CTNND2: variants seen among roughly 807,000 people sequenced by gnomAD.
CTNND2 encodes the protein catenin delta-2.
In CTNND2, 22 loss-of-function variants were observed where a neutral mutation model predicts 144.4. That is an observed-to-expected ratio of 0.15 (90% confidence interval 0.11 to 0.22). CTNND2 has a LOEUF of 0.22. CTNND2 is among the 10% of genes least tolerant of loss of function. CTNND2 has a pLI of 1.00. For missense variants in CTNND2, 1,353 were observed against 1,618.8 expected (o/e 0.84, Z 2.82); for synonymous variants, 751 against 695.6 (o/e 1.08, Z -1.25).
At chr5:11,116,755 A>C (rs1753586021) in intron 13 of CTNND2, among the ~76,000 whole-genome samples, 1 of 152,206 alleles carries the variant, frequency 6.6e-6, no homozygotes, top group East Asian at 1.9e-4. Flanking sequence ...TTATAAGAAT[A>C]TGGGATTATT....
chr5:11,017,655 T>A (rs1301788498), intron 18 of CTNND2, among the ~76,000 whole-genome samples: 1 of 150,668 alleles, frequency 6.6e-6, no homozygotes, highest in Non-Finnish European at 1.5e-5. Context: ...TGTTGATTTT[T>A]TTTTCCCCAA....
chr5:11,006,112 G>T (rs1394473907), intron 18 of CTNND2, among the ~76,000 whole-genome samples: 2 of 152,126 alleles, frequency 1.3e-5, no homozygotes, highest in Non-Finnish European at 2.9e-5. Context: ...CAGGTATAGG[G>T]TCCCAAACAA....
chr5:11,330,840 C>CTGT (rs1554034154), intron 9 of CTNND2, among the ~76,000 whole-genome samples: 2 of 151,006 alleles, frequency 1.3e-5, no homozygotes, highest in African/African-American at 4.9e-5. Context: ...CAAGTCCAGC[C>CTGT]TGTGTGTGTC....
chr5:11,299,099 GAT>G, intron 9 of CTNND2, among the ~76,000 whole-genome samples: 1 of 152,206 alleles, frequency 6.6e-6, no homozygotes, highest in African/African-American at 2.4e-5. Context: ...ATAATAAAAT[GAT>G]AGTGACGCAT....
chr5:11,115,472 T>C (rs1398217534), intron 13 of CTNND2, among the ~76,000 whole-genome samples: 2 of 152,248 alleles, frequency 1.3e-5, no homozygotes, highest in African/African-American at 2.4e-5. Context: ...ATGCTGAGCA[T>C]TGCCGCTTCA....
intron 2 of CTNND2, among the ~76,000 whole-genome samples, chr5:11,619,923 G>T (rs1379583625): frequency 3.9e-5 from 6 of 152,118 alleles, no homozygotes; most frequent in Non-Finnish European, 2.9e-5. Flanking sequence ...TATCTGACCT[G>T]TGAAGTTTCC....
intron 9 of CTNND2, among the ~76,000 whole-genome samples, chr5:11,337,184 C>T (rs1312662258): frequency 2.0e-5 from 3 of 152,162 alleles, no homozygotes; most frequent in Non-Finnish European, 4.4e-5. Context: ...ATGGGAAGCA[C>T]ACGGATTTTA....
chr5:11,679,836 C>G (rs966298197), intron 2 of CTNND2, among the ~76,000 whole-genome samples: 1 of 152,144 alleles, frequency 6.6e-6, no homozygotes, highest in African/African-American at 2.4e-5. Flanking sequence ...ATGACAACAA[C>G]CAGCTCCCTG....
intron 2 of CTNND2, among the ~76,000 whole-genome samples, chr5:11,682,551 CCTT>C (rs1784463063): frequency 6.6e-6 from 1 of 152,190 alleles, no homozygotes; most frequent in Non-Finnish European, 1.5e-5. Flanking sequence ...AAAGGTTCCT[CCTT>C]TAATTTCTTT....
chr5:11,404,599 A>ATTGTTTT (rs1405789135), intron 5 of CTNND2, among the ~76,000 whole-genome samples: 1 of 32,770 alleles, frequency 3.1e-5, no homozygotes, highest in Non-Finnish European at 9.6e-5. Context: ...CAGTATCTGT[A>ATTGTTTT]TTCTTTTTTT....
At chr5:11,048,136 A>AG (rs1467279909) in intron 16 of CTNND2, among the ~76,000 whole-genome samples, 2 of 152,170 alleles carry the variant, frequency 1.3e-5, no homozygotes, top group African/African-American at 4.8e-5. Flanking sequence ...TTATCACCTG[A>AG]GCTCCCAGAA....
chr5:11,717,467 C>G (rs1161662491), intron 2 of CTNND2, among the ~76,000 whole-genome samples: 1 of 151,010 alleles, frequency 6.6e-6, no homozygotes, highest in East Asian at 2.0e-4. Flanking sequence ...ATCCCAGCTA[C>G]TTGGGAGGCT....
intron 1 of CTNND2, among the ~76,000 whole-genome samples, chr5:11,871,862 G>T (rs1173664327): frequency 6.6e-6 from 1 of 152,074 alleles, no homozygotes; most frequent in Non-Finnish European, 1.5e-5. Flanking sequence ...CATAGTTTTA[G>T]GGGGAGGCGT....
chr5:11,817,424 A>AG (rs1371542906), intron 1 of CTNND2, among the ~76,000 whole-genome samples: 54 of 830 alleles, frequency 0.065, 2 homozygotes, highest in African/African-American at 0.093. Context: ...AGAGAGAGAG[A>AG]GAGAGAGAGA....
Position 11,100,638 on chromosome 5 carries a change from C to G in CTNND2, c.2464-1890G>C, listed in dbSNP as rs1438796898. 7.2e-5 allele frequency among the ~76,000 whole-genome samples: 11 copies of G among 152,138 alleles called. No individual in the cohort carries two copies. The East Asian group carries it at 2.1e-3, about 29-fold the overall frequency. On this transcript the variant is annotated intron_variant, in intron 14 of 21. Transcript: ENST00000304623. ...GTAGTGAATCTATCTGCTAGAGTAA[C>G]AAGAAATGGCAAATTATTTCTTTTA...
At chr5:11,797,324 A>T (rs1392402257) in intron 1 of CTNND2, among the ~76,000 whole-genome samples, 1 of 152,140 alleles carries the variant, frequency 6.6e-6, no homozygotes, top group Non-Finnish European at 1.5e-5. Flanking sequence ...CCTGCGTCTC[A>T]CCACAGGGTG....
At chr5:11,614,079 A>G (rs2126395348) in intron 2 of CTNND2, among the ~76,000 whole-genome samples, 1 of 152,302 alleles carries the variant, frequency 6.6e-6, no homozygotes, top group East Asian at 1.9e-4. Flanking sequence ...TTCCTTGACA[A>G]TGGACATTTT....
chr5:11,555,549 T>C (rs192451010), intron 3 of CTNND2, among the ~76,000 whole-genome samples: 2 of 152,000 alleles, frequency 1.3e-5, no homozygotes, highest in Admixed American at 1.3e-4. Flanking sequence ...GACCAGAAAT[T>C]TGATGGTGCT....
At chr5:11,400,194 T>A (rs1760513555) in intron 5 of CTNND2, among the ~76,000 whole-genome samples, 1 of 152,154 alleles carries the variant, frequency 6.6e-6, no homozygotes, top group Non-Finnish European at 1.5e-5. Flanking sequence ...GCTGTGGTCC[T>A]GAACCTATGG....
Sources: allele counts gnomAD v4.1 joint callset (sites outside exome capture counted in the v4.1 genomes callset), GRCh38; gene constraint gnomAD v4.1.1; transcripts MANE v1.5; gene names NCBI Gene and HGNC (gene_info 2026-07-23, HGNC 2026-07-21).